The following PRKG1 variants were observed in gnomAD, a reference collection of about 807,000 sequenced individuals.
PRKG1 encodes the protein protein kinase cGMP-dependent 1, also known as cGMP-dependent protein kinase 1.
Under a neutral mutation model 88.1 loss-of-function variants are expected in PRKG1, and 35 were observed. The observed-to-expected ratio is 0.40, with a 90% CI of 0.30 to 0.53. PRKG1 has a LOEUF of 0.53. Among genes scored for constraint, PRKG1 ranks in the 20% least tolerant of loss-of-function variants. The probability of loss-of-function intolerance (pLI) is 0.59; values close to 1 mark genes in which losing one functional copy is unlikely to be tolerated. For missense variants in PRKG1, 540 were observed against 839.8 expected (o/e 0.64, Z 4.41); for synonymous variants, 303 against 292.5 (o/e 1.04, Z -0.37).
At chr10:51,180,411 C>A (rs1837313458) in intron 2 of PRKG1, among the ~76,000 whole-genome samples, 1 of 152,200 alleles carries the variant, frequency 6.6e-6, no homozygotes, top group Non-Finnish European at 1.5e-5. Flanking sequence ...TCCCTTTTAA[C>A]ATACTTTCCC....
chr10:52,051,874 C>A (rs938204738), intron 5 of PRKG1, among the ~76,000 whole-genome samples: 1 of 152,110 alleles, frequency 6.6e-6, no homozygotes, highest in Non-Finnish European at 1.5e-5. Flanking sequence ...AGTCATGCCA[C>A]CTCTCCTGGT....
chr10:51,852,373 CATAG>C (rs1203014455), intron 4 of PRKG1, among the ~76,000 whole-genome samples: 6 of 149,608 alleles, frequency 4.0e-5, no homozygotes, highest in South Asian at 2.1e-4. Context: ...CACACACACA[CATAG>C]AGAGAGAGAG....
rs560358874 is a variant in PRKG1 at position 51,134,864 on chromosome 10, C to T, written c.312-18300C>T. 3.8e-4 allele frequency among the ~76,000 whole-genome samples: 58 copies of T among 152,098 alleles called. 1 individual carries two copies. The highest frequency in any genetic ancestry group is 1.9e-3 in the South Asian group (9 of 4,816). On this transcript the variant is annotated intron_variant, in intron 1 of 17. Transcript: ENST00000373980. ...AAACTACTGAAAAAATATTGTTAAT[C>T]GTAGAAAAGTAGAATATCACCCAAT...
At chr10:52,017,587 A>T (rs1359354238) in intron 5 of PRKG1, among the ~76,000 whole-genome samples, 1 of 152,156 alleles carries the variant, frequency 6.6e-6, no homozygotes, top group Non-Finnish European at 1.5e-5. Context: ...GGAGGGGAAG[A>T]TAGGAGCAGA....
intron 9 of PRKG1, among the ~76,000 whole-genome samples, chr10:52,197,089 A>G (rs1448998227): frequency 6.6e-6 from 1 of 152,186 alleles, no homozygotes; most frequent in Non-Finnish European, 1.5e-5. Context: ...CATTTTATAA[A>G]GGATGAAGCA....
At chr10:51,002,206 A>G (rs6479841) in intron 1 of PRKG1, among the ~76,000 whole-genome samples, 135,473 of 151,628 alleles carry the variant, frequency 0.89, 60,672 homozygotes, top group African/African-American at 0.95. Context: ...GTGTGAGGAG[A>G]CTAAAGGAAT....
chr10:52,000,866 C>A (rs1414502496), intron 5 of PRKG1, among the ~76,000 whole-genome samples: 1 of 151,912 alleles, frequency 6.6e-6, no homozygotes, highest in Non-Finnish European at 1.5e-5. Context: ...CCCTTTACAA[C>A]CAAAAAGTCA....
At chr10:51,547,820 T>C (rs557157776) in intron 3 of PRKG1, among the ~76,000 whole-genome samples, 2 of 152,276 alleles carry the variant, frequency 1.3e-5, no homozygotes, top group Admixed American at 6.6e-5. Context: ...AAGTATGTTC[T>C]ACGTGCAATT....
intron 2 of PRKG1, among the ~76,000 whole-genome samples, chr10:51,195,680 T>C (rs1837744673): frequency 6.6e-6 from 1 of 152,188 alleles, no homozygotes; most frequent in African/African-American, 2.4e-5. Context: ...TAGCTCTCCA[T>C]TTCTTTAAGA....
intron 4 of PRKG1, among the ~76,000 whole-genome samples, chr10:51,834,066 C>T (rs148787562): frequency 8.4e-4 from 128 of 152,118 alleles, no homozygotes; most frequent in African/African-American, 3.1e-3. Context: ...AATAGTATTC[C>T]ATTGTGTATA....
intron 5 of PRKG1, among the ~76,000 whole-genome samples, chr10:51,926,230 C>A (rs1048873994): frequency 6.6e-6 from 1 of 152,070 alleles, no homozygotes; most frequent in Non-Finnish European, 1.5e-5. Context: ...AGAACAAACT[C>A]GAGCTGAACG....
intron 2 of PRKG1, among the ~76,000 whole-genome samples, chr10:51,265,485 G>C (rs192717960): frequency 1.1e-4 from 17 of 152,126 alleles, no homozygotes; most frequent in Admixed American, 9.2e-4. Flanking sequence ...GCTAAATCTG[G>C]CAACCCCCTT....
At chr10:51,944,369 C>T (rs1053983600) in intron 5 of PRKG1, among the ~76,000 whole-genome samples, 2 of 151,938 alleles carry the variant, frequency 1.3e-5, no homozygotes, top group African/African-American at 2.4e-5. Context: ...GTCTTGTTAG[C>T]AGTCTATCAA....
intron 5 of PRKG1, chr10:51,910,408 A>C (rs1031869223): frequency 2.0e-5 from 3 of 152,214 alleles, no homozygotes; most frequent in Middle Eastern, 3.2e-3. Context: ...GGATGGTTCC[A>C]AGGTCCTTGA....
At chr10:51,400,809 C>T (rs1318305293) in intron 2 of PRKG1, among the ~76,000 whole-genome samples, 1 of 152,170 alleles carries the variant, frequency 6.6e-6, no homozygotes, top group African/African-American at 2.4e-5. Context: ...GGTGAACTAG[C>T]AGCAGCCCCT....
intron 3 of PRKG1, among the ~76,000 whole-genome samples, chr10:51,756,773 C>A (rs1048495474): frequency 2.0e-5 from 3 of 151,704 alleles, no homozygotes; most frequent in Non-Finnish European, 4.4e-5. Context: ...TGAGATCGCG[C>A]CACTGCACTC....
intron 3 of PRKG1, among the ~76,000 whole-genome samples, chr10:51,733,652 G>C (rs1451648910): frequency 6.6e-6 from 1 of 152,120 alleles, no homozygotes; most frequent in Non-Finnish European, 1.5e-5. Context: ...CCAATAACAG[G>C]CTTAAGTGAA....
In PRKG1 at chr10:51,559,985, CT is replaced by C. The variant is rs145052184; in HGVS notation, c.592+92150del. On this transcript the variant is annotated intron_variant, in intron 3 of 17. Transcript: ENST00000373980. ...AATGTTAATTGAACTATGTTTTCTTCTAGTAAATTCTGCAACAGTGACGTAC... is the reference window on the plus strand; with the variant it reads ...AATGTTAATTGAACTATGTTTTCTTCAGTAAATTCTGCAACAGTGACGTAC... 1.9e-3 allele frequency among the ~76,000 whole-genome samples: 283 copies of C among 152,246 alleles called. 1 individual carries two copies. The highest frequency in any genetic ancestry group is 6.5e-3 in the African/African-American group (271 of 41,562).
intron 3 of PRKG1, among the ~76,000 whole-genome samples, chr10:51,731,912 C>A (rs1842278633): frequency 6.6e-6 from 1 of 152,064 alleles, no homozygotes; most frequent in Admixed American, 6.5e-5. Flanking sequence ...CAGATGGCTG[C>A]CCTTCTTGCT....
Sources: gnomAD v4.1 joint callset for allele counts (sites outside exome capture counted in the v4.1 genomes callset) on GRCh38, gnomAD v4.1.1 for gene constraint, MANE v1.5 for transcripts, NCBI Gene and HGNC (gene_info 2026-07-23, HGNC 2026-07-21) for gene names.